Variants in MEIS2 observed in about 807,000 individuals in gnomAD.
The protein encoded by MEIS2 is homeobox protein Meis2.
MEIS2 carries 9 observed loss-of-function variants against 58.6 expected under a neutral mutation model. The ratio of observed to expected loss-of-function variants is 0.15; its 90% confidence interval spans 0.09 to 0.27. The LOEUF is 0.27. Ranked by LOEUF, MEIS2 falls within the 10% of genes least tolerant of loss-of-function variation. MEIS2 has a pLI of 1.00. For synonymous variants in MEIS2, 221 were observed against 228.4 expected (o/e 0.97, Z 0.29); for missense variants, 427 against 635.0 (o/e 0.67, Z 3.52).
intron 8 of MEIS2, among the ~76,000 whole-genome samples, chr15:36,966,736 C>T (rs1179002570): frequency 6.6e-6 from 1 of 152,120 alleles, no homozygotes; most frequent in East Asian, 1.9e-4. Context: ...AATACAGAAT[C>T]TCTCTGGGGG....
At chr15:36,914,222 G>A (rs1469627280) in intron 9 of MEIS2, among the ~76,000 whole-genome samples, 1 of 152,220 alleles carries the variant, frequency 6.6e-6, no homozygotes, top group African/African-American at 2.4e-5. Flanking sequence ...AAGGAAGATG[G>A]AGAAGCGTAA....
intron 7 of MEIS2, among the ~76,000 whole-genome samples, chr15:37,059,750 G>A (rs1037170537): frequency 2.0e-5 from 3 of 151,974 alleles, no homozygotes; most frequent in South Asian, 2.1e-4. Context: ...CAGCCTGGTC[G>A]ACACAATGAA....
At chr15:36,996,641 C>A (rs1248349792) in intron 8 of MEIS2, among the ~76,000 whole-genome samples, 1 of 152,062 alleles carries the variant, frequency 6.6e-6, no homozygotes, top group Non-Finnish European at 1.5e-5. Context: ...CTTAGTAGGT[C>A]AAATATCATG....
intron 8 of MEIS2, among the ~76,000 whole-genome samples, chr15:36,984,630 T>A (rs766257718): frequency 6.6e-6 from 1 of 152,222 alleles, no homozygotes; most frequent in African/African-American, 2.4e-5. Flanking sequence ...TGTTCCCTTC[T>A]CTTCCATTTT....
intron 8 of MEIS2, among the ~76,000 whole-genome samples, chr15:36,951,823 T>C (rs2058757903): frequency 6.6e-6 from 1 of 152,162 alleles, no homozygotes; most frequent in African/African-American, 2.4e-5. Context: ...AGCTGTGTAA[T>C]TACAGAAGGC....
chr15:36,971,373 A>G (rs952049939), intron 8 of MEIS2, among the ~76,000 whole-genome samples: 6 of 151,744 alleles, frequency 4.0e-5, no homozygotes, highest in African/African-American at 1.5e-4. Flanking sequence ...TATATTTAAA[A>G]CACCCAAGGA....
chr15:36,955,932 C>T (rs1567103302), intron 8 of MEIS2, among the ~76,000 whole-genome samples: 2 of 145,060 alleles, frequency 1.4e-5, no homozygotes, highest in Non-Finnish European at 3.0e-5. Context: ...AATCTCAGCA[C>T]TTTGGGAGGC....
At chr15:37,085,392 T>C (rs1371664846) in intron 6 of MEIS2, among the ~76,000 whole-genome samples, 3 of 152,144 alleles carry the variant, frequency 2.0e-5, no homozygotes, top group South Asian at 4.1e-4. Flanking sequence ...AGTGTACATA[T>C]AGCATGGATG....
chr15:36,997,907 T>C (rs2060582199), intron 8 of MEIS2, among the ~76,000 whole-genome samples: 1 of 152,208 alleles, frequency 6.6e-6, no homozygotes. Flanking sequence ...GCTTACAAAG[T>C]GCTGACCGAG....
rs577753883 is a variant in MEIS2 at position 36,918,239 on chromosome 15, G to A, written c.978-21553C>T. Among the ~76,000 whole-genome samples the A allele has an allele frequency of 4.1e-4, 63 of 152,302 alleles. 1 individual carries two copies. In the South Asian group the frequency reaches 0.013, roughly 31 times the overall value. On this transcript the variant is annotated intron_variant, in intron 9 of 11. Coordinates refer to ENST00000561208, the MANE Select transcript of MEIS2 (RefSeq NM_170675.5). ...CATTAAGTTTTGTGTGATGAAAGAGGCAGCACAATTTAATGAAGACTATGC... is the reference window on the plus strand; with the variant it reads ...CATTAAGTTTTGTGTGATGAAAGAGACAGCACAATTTAATGAAGACTATGC...
rs554382686 is a variant in MEIS2 at position 36,939,084 on chromosome 15, A to C, written c.977+11240T>G. Among the ~76,000 whole-genome samples the C allele has an allele frequency of 2.6e-5, 4 of 152,262 alleles. No homozygotes were observed. The East Asian group carries it at 5.8e-4, about 22-fold the overall frequency. On this transcript the variant is annotated intron_variant, in intron 9 of 11. Transcript: ENST00000561208. ...TTTCCCTACTTCCATGGTCTCTCGTACTATTTCCATATGACTACTAAAACA... is the reference window on the plus strand; with the variant it reads ...TTTCCCTACTTCCATGGTCTCTCGTCCTATTTCCATATGACTACTAAAACA...
chr15:36,979,011 T>C (rs184520905), intron 8 of MEIS2, among the ~76,000 whole-genome samples: 51 of 152,308 alleles, frequency 3.3e-4, no homozygotes, highest in African/African-American at 1.2e-3. Context: ...TTTTTAAAGA[T>C]GTTTAATTCT....
intron 8 of MEIS2, among the ~76,000 whole-genome samples, chr15:36,969,830 C>T (rs1465151016): frequency 2.0e-5 from 3 of 152,056 alleles, no homozygotes; most frequent in African/African-American, 7.2e-5. Flanking sequence ...AAGATCTTCC[C>T]ATAATGAAAA....
chr15:36,936,912 G>A (rs575809342), intron 9 of MEIS2, among the ~76,000 whole-genome samples: 1 of 152,316 alleles, frequency 6.6e-6, no homozygotes, highest in South Asian at 2.1e-4. Flanking sequence ...AGATCCAAGG[G>A]TTCCTCTGTA....
chr15:36,908,661 C>A (rs895036806), intron 9 of MEIS2, among the ~76,000 whole-genome samples: 3 of 152,068 alleles, frequency 2.0e-5, no homozygotes, highest in Admixed American at 1.3e-4. Context: ...GCAACACTAT[C>A]AAAAAATAAC....
chr15:37,064,950 A>T (rs1317261776), intron 7 of MEIS2, among the ~76,000 whole-genome samples: 1 of 152,208 alleles, frequency 6.6e-6, no homozygotes, highest in Non-Finnish European at 1.5e-5. Context: ...TATTTTCAAA[A>T]TGTGCTTTTT....
At chr15:37,072,007 C>T (rs1049619941) in intron 7 of MEIS2, among the ~76,000 whole-genome samples, 10 of 152,088 alleles carry the variant, frequency 6.6e-5, no homozygotes, top group Non-Finnish European at 1.3e-4. Context: ...GAGAGACCTG[C>T]ATGTTACTGT....
intron 2 of MEIS2, among the ~76,000 whole-genome samples, chr15:37,097,042 T>A (rs150483340): frequency 6.6e-6 from 1 of 152,168 alleles, no homozygotes; most frequent in Non-Finnish European, 1.5e-5. Flanking sequence ...AATAGGAAGG[T>A]TACACACTGG....
chr15:37,056,743 G>A (rs905437100), intron 7 of MEIS2, among the ~76,000 whole-genome samples: 11 of 152,186 alleles, frequency 7.2e-5, no homozygotes, highest in Non-Finnish European at 1.6e-4. Context: ...GGAAATTATA[G>A]ATGAAACATT....
Sources: allele counts gnomAD v4.1 joint callset (sites outside exome capture counted in the v4.1 genomes callset), GRCh38; gene constraint gnomAD v4.1.1; transcripts MANE v1.5; gene names NCBI Gene and HGNC (gene_info 2026-07-23, HGNC 2026-07-21).